The following MRTFB variants were observed in gnomAD, a reference collection of about 807,000 sequenced individuals.
The protein encoded by MRTFB is myocardin-related transcription factor B.
In MRTFB, 29 loss-of-function variants were observed where a neutral mutation model predicts 104.2. The observed-to-expected ratio is 0.28, with a 90% CI of 0.21 to 0.38. MRTFB has a LOEUF of 0.38. Among genes scored for constraint, MRTFB ranks in the 10% least tolerant of loss-of-function variants. The pLI is 1.00. For synonymous variants in MRTFB, 535 were observed against 519.5 expected, an observed-to-expected ratio of 1.03 and a Z score of -0.41; for missense variants, 1,270 against 1,341.6, an observed-to-expected ratio of 0.95 and a Z score of 0.83.
chr16:14,207,053 C>G (rs1360585172), intron 3 of MRTFB, among the ~76,000 whole-genome samples: 1 of 152,150 alleles, frequency 6.6e-6, no homozygotes, highest in Non-Finnish European at 1.5e-5. Flanking sequence ...TTCACTGCTA[C>G]TGCTGCTGCT....
chr16:14,103,900 G>T (rs1316394488), intron 2 of MRTFB, among the ~76,000 whole-genome samples: 1 of 152,178 alleles, frequency 6.6e-6, no homozygotes, highest in Non-Finnish European at 1.5e-5. Context: ...TAAGCTCTCT[G>T]CAGTCAGATG....
the MRTFB span, among the ~76,000 whole-genome samples, chr16:14,040,293 G>A: frequency 2.6e-5 from 4 of 152,038 alleles, no homozygotes; most frequent in African/African-American, 9.7e-5. Flanking sequence ...AATAATAACT[G>A]ACCATCCTCT....
At chr16:13,997,125 G>A in the MRTFB span, among the ~76,000 whole-genome samples, 3 of 152,182 alleles carry the variant, frequency 2.0e-5, no homozygotes, top group African/African-American at 7.2e-5. Context: ...GTATATGGTG[G>A]CTCTATCACC....
At chr16:14,243,767 AC>A (rs1225786907) in intron 10 of MRTFB, among the ~76,000 whole-genome samples, 1 of 151,712 alleles carries the variant, frequency 6.6e-6, no homozygotes, top group Non-Finnish European at 1.5e-5. Context: ...CAATACCCAA[AC>A]CAAGAACATT....
At chr16:14,201,434 T>C (rs534947884) in intron 3 of MRTFB, among the ~76,000 whole-genome samples, 42 of 152,352 alleles carry the variant, frequency 2.8e-4, no homozygotes, top group African/African-American at 9.4e-4. Context: ...GTGAGCACTT[T>C]GGCTTCTGTG....
At chr16:14,159,007 G>A (rs1446171584) in intron 3 of MRTFB, among the ~76,000 whole-genome samples, 1 of 150,940 alleles carries the variant, frequency 6.6e-6, no homozygotes, top group Non-Finnish European at 1.5e-5. Context: ...TAGGTGTTGT[G>A]ACTTATGCCT....
intron 10 of MRTFB, chr16:14,240,855 A>G: frequency 1.6e-6 from 1 of 644,146 alleles, no homozygotes; most frequent in Non-Finnish European, 2.8e-6. Flanking sequence ...TGAAAGCTGG[A>G]GTGGTCAAAG....
chr16:14,139,077 G>A (rs994907055), intron 2 of MRTFB, among the ~76,000 whole-genome samples: 1 of 152,142 alleles, frequency 6.6e-6, no homozygotes, highest in African/African-American at 2.4e-5. Flanking sequence ...TTGATCATTA[G>A]TGGATTTCAT....
chr16:14,102,277 G>A (rs1367059796), intron 2 of MRTFB, among the ~76,000 whole-genome samples: 1 of 152,108 alleles, frequency 6.6e-6, no homozygotes, highest in Non-Finnish European at 1.5e-5. Context: ...AGCTAGTTTT[G>A]TGACAGTGCA....
the MRTFB span, among the ~76,000 whole-genome samples, chr16:13,999,098 G>A: frequency 4.3e-4 from 65 of 150,858 alleles, no homozygotes; most frequent in South Asian, 0.012. Context: ...GTTGAGGCAC[G>A]AGAATCACTT....
intron 9 of MRTFB, among the ~76,000 whole-genome samples, chr16:14,239,339 C>T (rs1394968340): frequency 6.6e-6 from 1 of 152,206 alleles, no homozygotes; most frequent in Non-Finnish European, 1.5e-5. Context: ...TCCTAACCTG[C>T]AGAATGCAGT....
At chr16:14,081,908 A>G (rs936286359) in intron 2 of MRTFB, among the ~76,000 whole-genome samples, 1 of 152,108 alleles carries the variant, frequency 6.6e-6, no homozygotes. Context: ...TTTTCCTGCT[A>G]TTGAGTTGAG....
chr16:14,209,306 A>G (rs1244145465), intron 3 of MRTFB, among the ~76,000 whole-genome samples: 2 of 152,216 alleles, frequency 1.3e-5, no homozygotes, highest in African/African-American at 2.4e-5. Context: ...TTTTAAGCAT[A>G]TTGACAACCA....
intron 16 of MRTFB, among the ~76,000 whole-genome samples, chr16:14,259,529 G>A (rs572696569): frequency 3.9e-5 from 6 of 152,068 alleles, no homozygotes; most frequent in East Asian, 3.9e-4. Flanking sequence ...GGGAGGCCAC[G>A]GCAAGCGGAT....
intron 3 of MRTFB, among the ~76,000 whole-genome samples, chr16:14,203,006 T>C (rs1041361952): frequency 3.3e-5 from 5 of 152,212 alleles, no homozygotes; most frequent in Admixed American, 6.5e-5. Context: ...GACATCTGTT[T>C]GAAAAATAAA....
the MRTFB span, among the ~76,000 whole-genome samples, chr16:14,056,057 C>T: frequency 1.3e-5 from 2 of 152,162 alleles, no homozygotes; most frequent in African/African-American, 4.8e-5. Flanking sequence ...CGGCTCACTG[C>T]AACCTCTGCC....
chr16:14,140,649 C>T lies in MRTFB; in HGVS notation c.43C>T (p.Pro15Ser), dbSNP rs1301542239. ...GAIDTEDEVG[P>S]LAHLAPSPQS... ...GATAGACACCGAGGATGAAGTGGGA[C>T]CTTTAGCCCATCTTGCTCCAAGTCC... Residue 15 changes from proline (P) to serine (S), a missense_variant, in exon 3 of 17, where the codon CCT (proline) becomes TCT (serine). Transcript: ENST00000571589. The T allele has an allele frequency of 6.2e-7, 1 of 1,614,138 alleles. No individual in the cohort carries two copies. The highest frequency in any genetic ancestry group is 1.7e-5 in the Admixed American group (1 of 60,028).
At chr16:14,248,753 G>A (rs966819982) in intron 12 of MRTFB, 173 bp from the exon 13 acceptor site, 9 of 615,208 alleles carry the variant, frequency 1.5e-5, no homozygotes, top group Non-Finnish European at 2.5e-5. Flanking sequence ...TTCCCTCTCT[G>A]GTTTAGAATC....
At chr16:14,154,267 T>C (rs1455949798) in intron 3 of MRTFB, among the ~76,000 whole-genome samples, 1 of 152,166 alleles carries the variant, frequency 6.6e-6, no homozygotes, top group Non-Finnish European at 1.5e-5. Context: ...CCCAGGAGTT[T>C]GAGGCTACAG....
Sources: allele counts gnomAD v4.1 joint callset (sites outside exome capture counted in the v4.1 genomes callset), GRCh38; gene constraint gnomAD v4.1.1; transcripts MANE v1.5; gene names NCBI Gene and HGNC (gene_info 2026-07-23, HGNC 2026-07-21).